The following DENND4C variants were observed in gnomAD, a reference collection of about 807,000 sequenced individuals.
DENND4C encodes DENN domain containing 4C.
A neutral mutation model predicts 203.0 loss-of-function variants in DENND4C; 108 were observed. The ratio of observed to expected loss-of-function variants is 0.53; its 90% CI spans 0.46 to 0.62. The LOEUF (loss-of-function observed/expected upper bound fraction) is 0.62. Among genes scored for constraint, DENND4C ranks in the 20% least tolerant of loss-of-function variants. The pLI, the probability that DENND4C is intolerant of heterozygous loss-of-function variation, is 0.00. For missense variants in DENND4C, 2,481 were observed against 2,301.2 expected (o/e 1.08, Z -1.60); for synonymous variants, 871 against 792.4 (o/e 1.10, Z -1.67).
chr9:19,310,131 T>A (rs1325369438), intron 10 of DENND4C, among the ~76,000 whole-genome samples: 1 of 152,204 alleles, frequency 6.6e-6, no homozygotes, highest in Non-Finnish European at 1.5e-5. Flanking sequence ...TGGTCTTATA[T>A]CTAGCAACTT....
chr9:19,367,543 C>T (rs1450822931), intron 30 of DENND4C, among the ~76,000 whole-genome samples: 1 of 152,228 alleles, frequency 6.6e-6, no homozygotes, highest in Non-Finnish European at 1.5e-5. Context: ...CGAGACCAAC[C>T]TGGCCAACAT....
Position 19,346,071 on chromosome 9 carries a change from G to A in DENND4C, c.3302G>A (p.Arg1101Gln), listed in dbSNP as rs1198507096. Reference sequence around the variant, plus strand: ...AGTTGTAGTTTTAGTTCTGAAAGTCGAGCAGGAATGTTGCTTAAGAAGAGT... The same window carrying A: ...AGTTGTAGTTTTAGTTCTGAAAGTCAAGCAGGAATGTTGCTTAAGAAGAGT... ...ERSCSFSSES[R>Q]AGMLLKKSSL... The change falls in exon 23 of 33, where the codon CGA (arginine) becomes CAA (glutamine). Residue 1101 changes from arginine (R) to glutamine (Q), a missense_variant. Coordinates refer to ENST00000434457, the MANE Select transcript of DENND4C (RefSeq NM_001330640.2). 9 of 1,614,020 alleles carry A rather than the reference G, an allele frequency of 5.6e-6. No homozygotes were observed. The highest frequency in any genetic ancestry group is 3.3e-5 in the South Asian group (3 of 91,058).
intron 1 of DENND4C, among the ~76,000 whole-genome samples, chr9:19,271,601 C>G (rs988949149): frequency 6.6e-6 from 1 of 152,124 alleles, no homozygotes; most frequent in Non-Finnish European, 1.5e-5. Flanking sequence ...TGAGGTGGCT[C>G]ACGCCTGTAA....
Position 19,316,473 on chromosome 9 carries a change from A to G in DENND4C, c.1544A>G (p.Asn515Ser), listed in dbSNP as rs1841870047. Residue 515 changes from asparagine (N) to serine (S), a missense_variant, in exon 11 of 33, where the codon AAT becomes AGT. Coordinates refer to ENST00000434457, the MANE Select transcript of DENND4C (RefSeq NM_001330640.2). ...WKQLPKKPCKNLLSTLKKLYP... is the reference protein window; with the variant it reads ...WKQLPKKPCKSLLSTLKKLYP... ...CAACTTCCCAAAAAGCCGTGCAAAA[A>G]TCTACTTAGCACCTTAAAGAAATTG... 1 of 1,613,896 alleles carries G rather than the reference A, an allele frequency of 6.2e-7. No individual in the cohort carries two copies. The highest frequency in any genetic ancestry group is 1.3e-5 in the African/African-American group (1 of 74,932).
chr9:19,360,191 G>T, intron 28 of DENND4C, 53 bp from the exon 29 acceptor site: 1 of 1,559,428 alleles, frequency 6.4e-7, no homozygotes, highest in South Asian at 1.2e-5. Flanking sequence ...AAGTGCTCTT[G>T]AGCATACAGA....
intron 31 of DENND4C, among the ~76,000 whole-genome samples, chr9:19,370,618 C>T (rs1397607965): frequency 6.6e-6 from 1 of 152,118 alleles, no homozygotes; most frequent in Non-Finnish European, 1.5e-5. Context: ...CTGTGATACC[C>T]ACACATCTTT....
intron 2 of DENND4C, among the ~76,000 whole-genome samples, chr9:19,286,014 A>G (rs1269290542): frequency 2.0e-5 from 3 of 152,180 alleles, no homozygotes; most frequent in Non-Finnish European, 2.9e-5. Flanking sequence ...TTCTTTTTCC[A>G]GATTGCTTTG....
At chr9:19,276,983 G>A (rs754101885) in intron 2 of DENND4C, among the ~76,000 whole-genome samples, 1 of 151,882 alleles carries the variant, frequency 6.6e-6, no homozygotes, top group Non-Finnish European at 1.5e-5. Context: ...GAAGTATCTA[G>A]TATCTAGTCT....
At chr9:19,312,798 G>A (rs989456114) in intron 10 of DENND4C, among the ~76,000 whole-genome samples, 17 of 152,142 alleles carry the variant, frequency 1.1e-4, no homozygotes, top group Admixed American at 5.2e-4. Flanking sequence ...TTGTCTTGTA[G>A]CCACTTTAAA....
intron 30 of DENND4C, among the ~76,000 whole-genome samples, chr9:19,369,254 T>C (rs908092710): frequency 3.3e-5 from 5 of 152,232 alleles, no homozygotes; most frequent in Non-Finnish European, 7.3e-5. Context: ...CTGTTGTACC[T>C]GCTTTTATGG....
chr9:19,353,212 A>G (rs565516607), intron 26 of DENND4C, among the ~76,000 whole-genome samples: 7 of 152,248 alleles, frequency 4.6e-5, no homozygotes, highest in Non-Finnish European at 8.8e-5. Context: ...TAGCTGATCT[A>G]TAATTATACA....
chr9:19,356,897 G>A (rs1825559956), intron 26 of DENND4C, 75 bp from the exon 27 acceptor site: 8 of 1,343,766 alleles, frequency 6.0e-6, no homozygotes, highest in Non-Finnish European at 8.3e-6. Context: ...GCAATAAAAT[G>A]ATTCTAAATA....
intron 16 of DENND4C, among the ~76,000 whole-genome samples, chr9:19,328,495 C>T (rs775881547): frequency 6.6e-6 from 1 of 152,110 alleles, no homozygotes; most frequent in Middle Eastern, 3.4e-3. Context: ...CGCCTGTGAT[C>T]CCAGCTACTC....
intron 5 of DENND4C, among the ~76,000 whole-genome samples, chr9:19,293,239 G>C (rs1239517556): frequency 6.6e-6 from 1 of 152,172 alleles, no homozygotes; most frequent in Non-Finnish European, 1.5e-5. Context: ...GATCTGCTTG[G>C]CTTTTTCATT....
rs970989294 is a variant in DENND4C at position 19,257,327 on chromosome 9, G to T, written c.-17-18831G>T. ...TCCAAGATCACATCACTACACTCCA[G>T]CCTAGGTGACAGAGTGACACTCTGT... On this transcript the variant is annotated intron_variant, in intron 1 of 32. Transcript: ENST00000434457. Among the ~76,000 whole-genome samples the T allele has an allele frequency of 2.0e-5, 3 of 147,682 alleles. No homozygotes were observed. In the Admixed American group the frequency reaches 2.0e-4, roughly 10 times the overall value.
chr9:19,242,737 C>G (rs926682085), intron 1 of DENND4C, among the ~76,000 whole-genome samples: 1 of 151,906 alleles, frequency 6.6e-6, no homozygotes, highest in East Asian at 1.9e-4. Context: ...CTCACTGCAA[C>G]CTCTGCCTCC....
intron 30 of DENND4C, among the ~76,000 whole-genome samples, chr9:19,365,905 A>G (rs545568519): frequency 6.6e-6 from 1 of 152,266 alleles, no homozygotes; most frequent in African/African-American, 2.4e-5. Context: ...AACTTAAATA[A>G]TTGTTGAAAG....
chr9:19,305,390 C>T lies in DENND4C; in HGVS notation c.1350C>T (p.Pro450=). 3 of 1,613,526 alleles carry T rather than the reference C, an allele frequency of 1.9e-6. No homozygotes were observed. Among genetic ancestry groups the T allele is most frequent in the Non-Finnish European group, 2.5e-6 (3 of 1,179,692 alleles). The change falls in exon 10 of 33, where the codon CCC becomes CCT. Residue 450 remains proline, a synonymous_variant. Coordinates refer to ENST00000434457, the MANE Select transcript of DENND4C (RefSeq NM_001330640.2). ...TTCAGTGGCAATGCCCATATATTCCCCTTTGTCCTCTTTCACTGGCTGCAG... is the reference window on the plus strand; with the variant it reads ...TTCAGTGGCAATGCCCATATATTCCTCTTTGTCCTCTTTCACTGGCTGCAG... ...FPFQWQCPYI[P]LCPLSLAAVL...
At position 19,335,036 on chromosome 9, in the gene DENND4C, G is replaced by A; in HGVS notation, c.2520G>A (p.Val840=). Residue 840 remains valine, a synonymous_variant, in exon 18 of 33, where the codon GTG becomes GTA. Transcript: ENST00000434457. ...CGLWGHPVLA[V]RVLFEMKTAR... Reference sequence around the variant, plus strand: ...TTTGGGGTCATCCTGTTTTAGCAGTGAGAGTCTTATTTGAAATGAAAACTG... The same window carrying A: ...TTTGGGGTCATCCTGTTTTAGCAGTAAGAGTCTTATTTGAAATGAAAACTG... 1 of 1,612,532 alleles carries A rather than the reference G, an allele frequency of 6.2e-7. No homozygotes were observed. The highest frequency in any genetic ancestry group is 8.5e-7 in the Non-Finnish European group (1 of 1,179,308).
Sources: gnomAD v4.1 joint callset for allele counts (sites outside exome capture counted in the v4.1 genomes callset) on GRCh38, gnomAD v4.1.1 for gene constraint, MANE v1.5 for transcripts, NCBI Gene and HGNC (gene_info 2026-07-23, HGNC 2026-07-21) for gene names.